HNRNPM: variants seen among roughly 807,000 people sequenced by gnomAD.
The protein encoded by HNRNPM is heterogeneous nuclear ribonucleoprotein M, also known as CEA receptor.
Under a neutral mutation model 73.1 loss-of-function variants are expected in HNRNPM, and 11 were observed. The observed-to-expected ratio is 0.15, with a 90% CI of 0.09 to 0.25. The LOEUF (loss-of-function observed/expected upper bound fraction) is 0.25. Ranked by LOEUF, HNRNPM falls within the 10% of genes least tolerant of loss-of-function variation. The probability of loss-of-function intolerance (pLI) is 1.00; values close to 1 mark genes in which losing one functional copy is unlikely to be tolerated. For missense variants in HNRNPM, 789 were observed against 1,067.9 expected, an observed-to-expected ratio of 0.74 and a Z score of 3.64; for synonymous variants, 407 against 355.2, an observed-to-expected ratio of 1.15 and a Z score of -1.64.
At chr19:8,470,395 T>C (rs1205557965) in intron 9 of HNRNPM, among the ~76,000 whole-genome samples, 1 of 152,236 alleles carries the variant, frequency 6.6e-6, no homozygotes, top group African/African-American at 2.4e-5. Context: ...TGGTGCGGTC[T>C]TGGCTTGCTG....
rs568884900 is a variant in HNRNPM, at chr19:8,452,866, G to C, written c.114-2539G>C. Among the ~76,000 whole-genome samples the C allele has an allele frequency of 1.4e-3, 210 of 152,140 alleles. 1 individual carries two copies. The highest frequency in any genetic ancestry group is 4.7e-3 in the African/African-American group (196 of 41,492). ...AAATACGTTACTATTTTTGAGACAG[G>C]GTCTTGCTTTGTCAACCAGGCTGGA... On this transcript the variant is annotated intron_variant, in intron 1 of 15. Coordinates refer to ENST00000325495, the MANE Select transcript of HNRNPM (RefSeq NM_005968.5).
At chr19:8,463,823 C>G (rs894054130) in intron 5 of HNRNPM, 137 bp downstream of exon 5, 1 of 629,330 alleles carries the variant, frequency 1.6e-6, no homozygotes, top group South Asian at 1.9e-5. Context: ...TGAAGAGTGT[C>G]GGTCATAGCC....
chr19:8,476,085 C>G (rs1970484837), intron 12 of HNRNPM, among the ~76,000 whole-genome samples: 2 of 152,008 alleles, frequency 1.3e-5, no homozygotes, highest in South Asian at 2.1e-4. Flanking sequence ...ATCTCGCAGT[C>G]AGGATTCAGA....
chr19:8,478,871 C>G (rs1970694503), intron 12 of HNRNPM, among the ~76,000 whole-genome samples: 1 of 152,030 alleles, frequency 6.6e-6, no homozygotes, highest in African/African-American at 2.4e-5. Flanking sequence ...GTTTCCTTAC[C>G]CCAGGGTGCT....
chr19:8,459,632 G>T (rs910549477), intron 2 of HNRNPM, among the ~76,000 whole-genome samples: 1 of 152,018 alleles, frequency 6.6e-6, no homozygotes. Context: ...GTGAAGCTTC[G>T]GCACTGTATT....
chr19:8,471,551 A>C, intron 10 of HNRNPM, 124 bp downstream of exon 10: 1 of 467,646 alleles, frequency 2.1e-6, no homozygotes. Flanking sequence ...TTCCCTCCTT[A>C]TTCATCTCTG....
At position 8,485,882 on chromosome 19, in the gene HNRNPM, G is replaced by A. The variant is rs1697724958; in HGVS notation, c.1454G>A (p.Arg485His). 1 of 1,604,662 alleles carries A rather than the reference G, an allele frequency of 6.2e-7. No homozygotes were observed. The highest frequency in any genetic ancestry group is 8.5e-7 in the Non-Finnish European group (1 of 1,179,654). ...TMERIGSGVE[R>H]MGAGMGFGLE... ...GAGCGCATTGGCTCTGGCGTGGAGC[G>A]CATGGGTGCCGGCATGGGCTTCGGC... Residue 485 changes from arginine to histidine, a missense_variant, in exon 14 of 16, where the codon CGC (arginine) becomes CAC (histidine). By Grantham distance (29) the Arg-to-His change is conservative. This residue lies in a region of HNRNPM where 604 missense variants were observed against 744.0 expected (regional missense o/e 0.81). Coordinates refer to ENST00000325495, the MANE Select transcript of HNRNPM (RefSeq NM_005968.5).
chr19:8,471,462 G>A lies in HNRNPM; in HGVS notation c.997+35G>A, dbSNP rs1970131447. ...ACAGTGCACCTTGCTTGGTGGTTTG[G>A]GGAAGTGAAAATTATTAATTATTGG... On this transcript the variant is annotated intron_variant, in intron 10 of 15. Coordinates refer to ENST00000325495, the MANE Select transcript of HNRNPM (RefSeq NM_005968.5). The A allele has an allele frequency of 5.2e-6, 7 of 1,343,776 alleles. 1 individual carries two copies. In the African/African-American group the frequency reaches 5.9e-5, roughly 11 times the overall value. The allele number at this position is 1,343,776 out of a possible 1,614,324, so 83.2% of individuals were successfully genotyped here.
chr19:8,476,210 T>C (rs1426587990), intron 12 of HNRNPM, among the ~76,000 whole-genome samples: 1 of 152,068 alleles, frequency 6.6e-6, no homozygotes, highest in East Asian at 1.9e-4. Flanking sequence ...CTCGGAGTGC[T>C]CCCCACACCC....
intron 15 of HNRNPM, chr19:8,487,552 C>G (rs942808281): frequency 1.2e-5 from 2 of 163,632 alleles, no homozygotes; most frequent in East Asian, 3.6e-4. Flanking sequence ...GGTTTCCTGG[C>G]ACATCGGGCA....
chr19:8,475,099 G>C (rs1286453139), intron 12 of HNRNPM, among the ~76,000 whole-genome samples: 1 of 152,204 alleles, frequency 6.6e-6, no homozygotes, highest in Non-Finnish European at 1.5e-5. Context: ...CACATGATAT[G>C]TACATACTGC....
At chr19:8,452,073 A>G (rs377330725) in intron 1 of HNRNPM, among the ~76,000 whole-genome samples, 18 of 152,258 alleles carry the variant, frequency 1.2e-4, no homozygotes, top group South Asian at 8.3e-4. Flanking sequence ...CTCAATGGTG[A>G]GTCATGTGAT....
At chr19:8,487,796 TG>T (rs1206822434) in intron 15 of HNRNPM, 1 of 152,432 alleles carries the variant, frequency 6.6e-6, no homozygotes, top group African/African-American at 2.4e-5. Context: ...CGTTGAGTCA[TG>T]ATCTGCCTCT....
intron 12 of HNRNPM, among the ~76,000 whole-genome samples, chr19:8,482,372 T>C (rs775694208): frequency 3.3e-5 from 5 of 152,152 alleles, no homozygotes; most frequent in Non-Finnish European, 7.3e-5. Context: ...ACAAGTGTCT[T>C]CTACATAGCA....
At chr19:8,456,188 G>A (rs1297976734) in intron 2 of HNRNPM, among the ~76,000 whole-genome samples, 1 of 152,198 alleles carries the variant, frequency 6.6e-6, no homozygotes, top group African/African-American at 2.4e-5. Context: ...CTTAGGATGT[G>A]GATTGTCATA....
chr19:8,469,023 C>A (rs1281056007), intron 9 of HNRNPM, among the ~76,000 whole-genome samples, 189 bp downstream of exon 9: 1 of 152,090 alleles, frequency 6.6e-6, no homozygotes, highest in Non-Finnish European at 1.5e-5. Flanking sequence ...GTTAGGATTA[C>A]CTCATGGTAA....
intron 13 of HNRNPM, 121 bp from the exon 14 acceptor site, chr19:8,485,482 T>G: frequency 1.0e-6 from 1 of 989,408 alleles, no homozygotes; most frequent in East Asian, 2.4e-5. Context: ...GGTGTCTTAA[T>G]GGTAAATTAT....
At position 8,470,199 on chromosome 19, in the gene HNRNPM, C is replaced by T. The variant is rs569516857; in HGVS notation, c.896-1127C>T. On this transcript the variant is annotated intron_variant, in intron 9 of 15. Transcript: ENST00000325495. ...TCAGTGCTTTGGGAGAGTAAGTCAC[C>T]GTGGCGATCTCTTGCTGCTGTTGCT... 2.0e-5 allele frequency among the ~76,000 whole-genome samples: 3 copies of T among 152,316 alleles called. No homozygotes were observed. In the South Asian group the frequency reaches 6.2e-4, roughly 32 times the overall value.
chr19:8,483,262 G>A lies in HNRNPM; in HGVS notation c.1174+51G>A, dbSNP rs781185199. On this transcript the variant is annotated intron_variant, in intron 13 of 15. Coordinates refer to ENST00000325495, the MANE Select transcript of HNRNPM (RefSeq NM_005968.5). ...TGTTTTTTTAGAACAGGCTGTTATC[G>A]CTGGGGACTGTAGAGCTTAGTGGTG... The A allele has an allele frequency of 5.7e-6, 8 of 1,397,954 alleles. No individual in the cohort carries two copies. The Admixed American group carries it at 6.7e-5, about 12-fold the overall frequency. 86.6% of individuals were successfully genotyped at this position (1,397,954 alleles called of 1,614,324 possible). A position where few individuals can be genotyped will look rare whatever the true frequency, so the allele number is the denominator to read the frequency against.
Sources: gnomAD v4.1 joint callset for allele counts (sites outside exome capture counted in the v4.1 genomes callset) on GRCh38, gnomAD v4.1.1 for gene constraint, gnomAD v4.1.1 regional missense constraint, MANE v1.5 for transcripts, NCBI Gene and HGNC (gene_info 2026-07-23, HGNC 2026-07-21) for gene names.